JAKMIP3: variants seen among roughly 807,000 people sequenced by gnomAD.
The protein encoded by JAKMIP3 is janus kinase and microtubule-interacting protein 3.
In JAKMIP3, 58 loss-of-function variants were observed where a neutral mutation model predicts 118.5. That is an observed-to-expected ratio of 0.49 (90% confidence interval 0.40 to 0.61). The LOEUF is 0.61. Among genes scored for constraint, JAKMIP3 ranks in the 20% least tolerant of loss-of-function variants. The probability of loss-of-function intolerance (pLI) is 0.00; values close to 1 mark genes in which losing one functional copy is unlikely to be tolerated. For synonymous variants in JAKMIP3, 486 were observed against 451.2 expected, an observed-to-expected ratio of 1.08 and a Z score of -0.98; for missense variants, 950 against 1,109.0, an observed-to-expected ratio of 0.86 and a Z score of 2.04.
intron 23 of JAKMIP3, among the ~76,000 whole-genome samples, chr10:132,180,684 T>TGTGTGTGCGTGC (rs1217822867): frequency 5.9e-5 from 1 of 16,822 alleles, no homozygotes; most frequent in Non-Finnish European, 1.2e-4. Context: ...TGCGCGCGCG[T>TGTGTGTGCGTGC]GTGTGTGCGT....
At chr10:132,127,099 A>G (rs1237761459) in intron 3 of JAKMIP3, among the ~76,000 whole-genome samples, 1 of 152,198 alleles carries the variant, frequency 6.6e-6, no homozygotes, top group Non-Finnish European at 1.5e-5. Context: ...TTATGAATTA[A>G]ATGTATTTAA....
intron 1 of JAKMIP3, among the ~76,000 whole-genome samples, chr10:132,082,896 C>T (rs1328211348): frequency 6.6e-6 from 1 of 152,270 alleles, no homozygotes; most frequent in East Asian, 1.9e-4. Flanking sequence ...GCGTGAACCA[C>T]CGCGCCCGGC....
chr10:132,110,906 A>T (rs1351752682), intron 2 of JAKMIP3, among the ~76,000 whole-genome samples: 1 of 152,236 alleles, frequency 6.6e-6, no homozygotes, highest in African/African-American at 2.4e-5. Context: ...CATACGTGTC[A>T]TGAGGATGTA....
intron 2 of JAKMIP3, among the ~76,000 whole-genome samples, chr10:132,107,104 G>A (rs1337091976): frequency 2.0e-5 from 3 of 150,532 alleles, no homozygotes; most frequent in Admixed American, 6.6e-5. Flanking sequence ...CATTTTGCCC[G>A]GGCTGGTCTC....
intron 23 of JAKMIP3, among the ~76,000 whole-genome samples, chr10:132,169,331 G>T (rs2136759018): frequency 6.6e-6 from 1 of 152,292 alleles, no homozygotes; most frequent in Non-Finnish European, 1.5e-5. Flanking sequence ...CGGGAAAAGG[G>T]AGAAACCCCG....
rs1411603246 is a variant in JAKMIP3 at position 132,180,668 on chromosome 10, TGTGTGTGC to T, written c.*1104-1687_*1104-1680del. Among the ~76,000 whole-genome samples the T allele has an allele frequency of 1.1e-4, 3 of 28,048 alleles. 1 individual carries two copies. The highest frequency in any genetic ancestry group is 3.5e-4 in the African/African-American group (3 of 8,656). 18.4% of individuals were successfully genotyped at this position (28,048 alleles called of 152,430 possible). A position where few individuals can be genotyped will look rare whatever the true frequency, so the allele number is the denominator to read the frequency against. ...GTGCGTGTGCGTGTGCGTGTGTGCG[TGTGTGTGC>T]GCGCGCGTGTGTGTGCGTGCGTGTG... On this transcript the variant is annotated intron_variant, in intron 23 of 23. Transcript: ENST00000684848.
At chr10:132,116,782 A>T (rs1052023218) in intron 2 of JAKMIP3, among the ~76,000 whole-genome samples, 3 of 134,714 alleles carry the variant, frequency 2.2e-5, no homozygotes, top group Non-Finnish European at 4.7e-5. Context: ...CCCCGAATAC[A>T]CATTCAGGTG....
chr10:132,174,080 T>C (rs950103909), intron 23 of JAKMIP3, among the ~76,000 whole-genome samples: 3 of 151,804 alleles, frequency 2.0e-5, no homozygotes, highest in Non-Finnish European at 4.4e-5. Flanking sequence ...TGGTGGTTTC[T>C]GGTGTGCTTG....
At chr10:132,151,382 C>A (rs2136184459) in intron 16 of JAKMIP3, among the ~76,000 whole-genome samples, 1 of 152,352 alleles carries the variant, frequency 6.6e-6, no homozygotes, top group African/African-American at 2.4e-5. Flanking sequence ...CGAGGACTCC[C>A]TTCTCCCCTT....
chr10:132,109,780 CG>C (rs1826146537), intron 2 of JAKMIP3, among the ~76,000 whole-genome samples: 3 of 152,214 alleles, frequency 2.0e-5, no homozygotes, highest in African/African-American at 7.2e-5. Context: ...GGGAAGCCTT[CG>C]GGGCCCCTGG....
At chr10:132,046,549 G>A (rs2037924234) in intron 1 of JAKMIP3, among the ~76,000 whole-genome samples, 1 of 152,084 alleles carries the variant, frequency 6.6e-6, no homozygotes, top group African/African-American at 2.4e-5. Flanking sequence ...TTCTGTGTGT[G>A]TCCAGCTCGC....
chr10:132,130,665 C>T (rs1046729007), intron 3 of JAKMIP3, among the ~76,000 whole-genome samples: 3 of 152,186 alleles, frequency 2.0e-5, no homozygotes, highest in African/African-American at 7.2e-5. Flanking sequence ...GGCACTGAGG[C>T]GTGGTCAGCC....
Position 132,180,542 on chromosome 10 carries a change from T to TGTGTGTGTGTGC in JAKMIP3, c.*1104-1812_*1104-1811insTGTGTGTGCGTG, listed in dbSNP as rs1392970396. Among the ~76,000 whole-genome samples, 24 of 31,794 alleles carry TGTGTGTGTGTGC rather than the reference T, an allele frequency of 7.5e-4. 10 individuals carry two copies. Among genetic ancestry groups the TGTGTGTGTGTGC allele is most frequent in the African/African-American group, 4.9e-3 (21 of 4,316 alleles). The allele number at this position is 31,794 out of a possible 152,430, so 20.9% of individuals were successfully genotyped here. ...GCAGAACTGTGTGTGTGTGTGTGTG[T>TGTGTGTGTGTGC]GTGCGTGCGTGCATGCGTGTGTGTG... On this transcript the variant is annotated intron_variant, in intron 23 of 23. Transcript: ENST00000684848.
rs74233369 is a variant in JAKMIP3, at chr10:132,117,682, G to A, written c.633+108G>A. On this transcript the variant is annotated intron_variant, in intron 3 of 23. Transcript: ENST00000684848. The surrounding 1 kb of genome is among the most constrained non-coding windows in gnomAD (Gnocchi z 8.6). ...GTGCAGGCGTGGGCTCGGGGAGCAC[G>A]CGGGCAGCACCGGCTTCACCCCCCA... The A allele has an allele frequency of 0.09, 106,675 of 1,189,626 alleles. 8,610 individuals carry two copies. The highest frequency in any genetic ancestry group is 0.28 in the Admixed American group (7,219 of 25,924). The allele number at this position is 1,189,626 out of a possible 1,614,324, so 73.7% of individuals were successfully genotyped here.
intron 1 of JAKMIP3, among the ~76,000 whole-genome samples, chr10:132,098,828 G>A (rs1350045843): frequency 2.0e-5 from 3 of 152,320 alleles, no homozygotes; most frequent in Admixed American, 6.5e-5. Context: ...CACTGGTCTC[G>A]TGATCAGGAG....
intron 3 of JAKMIP3, among the ~76,000 whole-genome samples, chr10:132,119,257 C>T (rs7908453): frequency 0.012 from 1,821 of 152,206 alleles, 36 homozygotes; most frequent in African/African-American, 0.041. Flanking sequence ...GTGTGTTCCC[C>T]GTTCTGTGGG....
intron 1 of JAKMIP3, among the ~76,000 whole-genome samples, chr10:132,070,999 C>T (rs1441021710): frequency 6.6e-6 from 1 of 152,194 alleles, no homozygotes; most frequent in African/African-American, 2.4e-5. Flanking sequence ...GGAGACCTTT[C>T]CTGTGTTCCA....
rs745447644 is a variant in JAKMIP3 at position 132,150,039 on chromosome 10, A to G, written c.2005A>G (p.Ser669Gly). 6.3e-6 allele frequency: 10 copies of G among 1,597,728 alleles called. No individual in the cohort carries two copies. In the East Asian group the frequency reaches 2.3e-4, roughly 37 times the overall value. Residue 669 changes from serine to glycine, a missense_variant and splice_region_variant, in exon 16 of 24, where the codon AGT (serine) becomes GGT (glycine). Ser to Gly is a moderately conservative substitution (Grantham distance 56). Coordinates refer to ENST00000684848, the MANE Select transcript of JAKMIP3 (RefSeq NM_001323087.2). ...GGACATCCTGGGCGATAACGCCGTA[A>G]GTGTATGTCGCTCTCCTGGCTTGTG... Reference protein sequence around the residue: ...KLDILGDNAVSNLTNEEQVVV... With the variant: ...KLDILGDNAVGNLTNEEQVVV...
chr10:132,141,849 C>A, intron 10 of JAKMIP3, 71 bp from the exon 11 acceptor site: 1 of 1,529,304 alleles, frequency 6.5e-7, no homozygotes. Context: ...GCCCCGGGGC[C>A]CCGCCATCGG....
Sources: allele counts gnomAD v4.1 joint callset (sites outside exome capture counted in the v4.1 genomes callset), GRCh38; gene constraint gnomAD v4.1.1; non-coding constraint Gnocchi (gnomAD v3.1); transcripts MANE v1.5; gene names NCBI Gene and HGNC (gene_info 2026-07-23, HGNC 2026-07-21).